Variants in DCDC2 observed in about 807,000 individuals in gnomAD.
The protein encoded by DCDC2 is doublecortin domain containing 2.
Under a neutral mutation model 50.2 loss-of-function variants are expected in DCDC2, and 40 were observed. The ratio of observed to expected loss-of-function variants is 0.80; its 90% CI spans 0.62 to 1.04. The LOEUF (loss-of-function observed/expected upper bound fraction) is 1.04. DCDC2 is among the 50% of genes least tolerant of loss of function. The pLI is 0.00. For missense variants in DCDC2, 570 were observed against 581.9 expected, an observed-to-expected ratio of 0.98 and a Z score of 0.21; for synonymous variants, 234 against 210.6, an observed-to-expected ratio of 1.11 and a Z score of -0.96.
Position 24,353,557 on chromosome 6 carries a change from T to C in DCDC2, c.348+12A>G, listed in dbSNP as rs777002715. On this transcript the variant is annotated intron_variant, in intron 2 of 9. Coordinates refer to ENST00000378454, the MANE Select transcript of DCDC2 (RefSeq NM_016356.5). ...TTATTTATTTGAATTTTCAAAATAA[T>C]ATTTGCATTACCTCTGTATTAACAA... 2 of 1,519,400 alleles carry C rather than the reference T, an allele frequency of 1.3e-6. No individual in the cohort carries two copies. Among genetic ancestry groups the C allele is most frequent in the Non-Finnish European group, 1.8e-6 (2 of 1,108,692 alleles). The allele number at this position is 1,519,400 out of a possible 1,614,324, so 94.1% of individuals were successfully genotyped here. A position where few individuals can be genotyped will look rare whatever the true frequency, so the allele number is the denominator to read the frequency against.
intron 2 of DCDC2, among the ~76,000 whole-genome samples, chr6:24,328,547 C>T (rs1185095116): frequency 3.3e-5 from 5 of 152,188 alleles, no homozygotes; most frequent in South Asian, 2.1e-4. Context: ...GCCAAACCCA[C>T]GCCCATGGCC....
chr6:24,267,187 G>A (rs772103611), intron 7 of DCDC2, among the ~76,000 whole-genome samples: 2 of 152,140 alleles, frequency 1.3e-5, no homozygotes, highest in Non-Finnish European at 2.9e-5. Context: ...AGTGGAGATG[G>A]TTAATGGGTA....
intron 7 of DCDC2, among the ~76,000 whole-genome samples, chr6:24,232,696 AG>A (rs922559873): frequency 3.9e-5 from 6 of 152,216 alleles, no homozygotes; most frequent in African/African-American, 1.4e-4. Flanking sequence ...GGGTTGAACA[AG>A]GGAAATCAAA....
rs1429564247 is a variant in DCDC2, at chr6:24,179,956, A to AAT, written c.1024-1325_1024-1324insAT. ...GCGACAGAGCAAGACTCCATCTCAA[A>AAT]AAAAAAAAAAAAAAACAAGGGGTGG... On this transcript the variant is annotated intron_variant, in intron 8 of 9. Coordinates refer to ENST00000378454, the MANE Select transcript of DCDC2 (RefSeq NM_016356.5). 7.9e-4 allele frequency among the ~76,000 whole-genome samples: 117 copies of AAT among 147,534 alleles called. 1 individual carries two copies. In the East Asian group the frequency reaches 0.018, roughly 23 times the overall value.
chr6:24,184,424 A>G (rs192539862), intron 8 of DCDC2, among the ~76,000 whole-genome samples: 1 of 151,970 alleles, frequency 6.6e-6, no homozygotes, highest in African/African-American at 2.4e-5. Context: ...AATACAAAAA[A>G]TTAGCCGGGC....
At chr6:24,340,118 C>G (rs1045556983) in intron 2 of DCDC2, among the ~76,000 whole-genome samples, 1 of 152,044 alleles carries the variant, frequency 6.6e-6, no homozygotes, top group African/African-American at 2.4e-5. Context: ...GATGAATGTG[C>G]CCTGTGCTCT....
chr6:24,272,143 C>CTAG (rs145257290), intron 7 of DCDC2, among the ~76,000 whole-genome samples: 2,195 of 152,266 alleles, frequency 0.014, 54 homozygotes, highest in African/African-American at 0.049. Flanking sequence ...ATACGTCTTA[C>CTAG]TAGTATTCAG....
At chr6:24,209,462 G>A (rs2113765305) in intron 7 of DCDC2, among the ~76,000 whole-genome samples, 2 of 152,258 alleles carry the variant, frequency 1.3e-5, no homozygotes, top group Admixed American at 1.3e-4. Flanking sequence ...AGACACAGAA[G>A]CAGTTTTAGT....
chr6:24,358,151 T>A, upstream of DCDC2: 1 of 482,996 alleles, frequency 2.1e-6, no homozygotes, highest in Non-Finnish European at 3.7e-6. Flanking sequence ...CACACACAAA[T>A]ATGGTGAAAC....
At chr6:24,317,788 T>C (rs1759698924) in intron 2 of DCDC2, among the ~76,000 whole-genome samples, 1 of 147,548 alleles carries the variant, frequency 6.8e-6, no homozygotes, top group Admixed American at 6.8e-5. Flanking sequence ...AAGAACTCTT[T>C]ATACAAATAA....
At chr6:24,323,102 C>T (rs970244547) in intron 2 of DCDC2, among the ~76,000 whole-genome samples, 24 of 152,198 alleles carry the variant, frequency 1.6e-4, no homozygotes, top group African/African-American at 4.6e-4. Context: ...CCTAACACTT[C>T]GGGAGGCCGA....
At chr6:24,263,429 T>C (rs1452186936) in intron 7 of DCDC2, among the ~76,000 whole-genome samples, 1 of 152,126 alleles carries the variant, frequency 6.6e-6, no homozygotes, top group Admixed American at 6.5e-5. Context: ...GTGATACAGA[T>C]ACTTGACCTT....
At chr6:24,357,340 C>T in intron 1 of DCDC2, 118 bp downstream of exon 1, 9 of 1,233,168 alleles carry the variant, frequency 7.3e-6, no homozygotes, top group East Asian at 2.4e-5. Context: ...TCAATCACAC[C>T]GAGAAGTCAC....
chr6:24,332,961 T>C (rs1759992202), intron 2 of DCDC2, among the ~76,000 whole-genome samples: 1 of 152,162 alleles, frequency 6.6e-6, no homozygotes, highest in Non-Finnish European at 1.5e-5. Flanking sequence ...AATTCAGCTG[T>C]AGCAAGTGCT....
rs779406738 is a variant in DCDC2, at chr6:24,173,844, CTT to C, written c.*884_*885del. ...AGTCTACTTTTTTCTTCCTAATACACTTTTATTTTTGTTGAAAACTATTTGAA... is the reference window on the plus strand; with the variant it reads ...AGTCTACTTTTTTCTTCCTAATACACTTATTTTTGTTGAAAACTATTTGAA... On this transcript the variant is annotated 3_prime_UTR_variant, in exon 10 of 10. Transcript: ENST00000378454. 2 of 152,136 alleles carry C rather than the reference CTT, an allele frequency of 1.3e-5. No homozygotes were observed. The highest frequency in any genetic ancestry group is 6.5e-5 in the Admixed American group (1 of 15,268). The allele number at this position is 152,136 out of a possible 1,614,324, so 9.4% of individuals were successfully genotyped here. A position where few individuals can be genotyped will look rare whatever the true frequency, so the allele number is the denominator to read the frequency against.
chr6:24,359,044 T>G (rs867971488), upstream of DCDC2, among the ~76,000 whole-genome samples: 3 of 39,226 alleles, frequency 7.6e-5, no homozygotes, highest in Admixed American at 5.1e-4. Context: ...TTATATATAT[T>G]ATATATTTTA....
chr6:24,193,787 C>A (rs370192411), intron 8 of DCDC2, among the ~76,000 whole-genome samples: 1 of 151,664 alleles, frequency 6.6e-6, no homozygotes, highest in African/African-American at 2.4e-5. Flanking sequence ...ATAGGGGGAA[C>A]GAGTTTGGGA....
At chr6:24,279,315 G>A (rs1763421908) in intron 6 of DCDC2, among the ~76,000 whole-genome samples, 1 of 152,064 alleles carries the variant, frequency 6.6e-6, no homozygotes, top group East Asian at 1.9e-4. Flanking sequence ...GCCAGCCTAA[G>A]CATAGTCCCA....
chr6:24,187,034 C>T (rs921487223), intron 8 of DCDC2, among the ~76,000 whole-genome samples: 2 of 152,156 alleles, frequency 1.3e-5, no homozygotes, highest in African/African-American at 2.4e-5. Context: ...GTCCCCTAGT[C>T]TGCAGTGTTT....
Sources: allele counts gnomAD v4.1 joint callset (sites outside exome capture counted in the v4.1 genomes callset), GRCh38; gene constraint gnomAD v4.1.1; transcripts MANE v1.5; gene names NCBI Gene and HGNC (gene_info 2026-07-23, HGNC 2026-07-21).